NR5A2: variants seen among roughly 807,000 people sequenced by gnomAD.
NR5A2 encodes nuclear receptor subfamily 5 group A member 2, also known as CYP7A promoter-binding factor.
In NR5A2, 26 loss-of-function variants were observed where a neutral mutation model predicts 62.7. The observed-to-expected ratio is 0.41, with a 90% CI of 0.30 to 0.58. The LOEUF is 0.58. NR5A2 is among the 20% of genes least tolerant of loss of function. NR5A2 has a pLI of 0.22. For missense variants in NR5A2, 541 were observed against 669.1 expected (o/e 0.81, Z 2.11); for synonymous variants, 246 against 241.7 (o/e 1.02, Z -0.16).
intron 1 of NR5A2, among the ~76,000 whole-genome samples, chr1:200,035,940 G>A (rs1449443082): frequency 6.6e-6 from 1 of 152,162 alleles, no homozygotes; most frequent in Non-Finnish European, 1.5e-5. Flanking sequence ...CAGACTCCCA[G>A]GCCTCCCGGG....
chr1:200,083,465 C>G (rs1272372950), intron 5 of NR5A2, among the ~76,000 whole-genome samples: 3 of 152,096 alleles, frequency 2.0e-5, no homozygotes, highest in Non-Finnish European at 4.4e-5. Flanking sequence ...TTTTAAAAAC[C>G]ATTTCAAATG....
intron 5 of NR5A2, among the ~76,000 whole-genome samples, chr1:200,065,258 C>T (rs930248847): frequency 1.3e-5 from 2 of 152,120 alleles, no homozygotes; most frequent in Admixed American, 6.5e-5. Flanking sequence ...ATTCTCTAGC[C>T]TCAGCTTCCT....
chr1:200,144,233 T>TCACA (rs60365337), intron 7 of NR5A2, among the ~76,000 whole-genome samples: 3,427 of 79,978 alleles, frequency 0.043, 77 homozygotes, highest in Middle Eastern at 0.093. Flanking sequence ...TCTCTCTCTC[T>TCACA]CACACACACA....
At chr1:200,055,423 T>C (rs545481881) in intron 5 of NR5A2, among the ~76,000 whole-genome samples, 1 of 152,274 alleles carries the variant, frequency 6.6e-6, no homozygotes, top group East Asian at 1.9e-4. Context: ...CTCAAACTCC[T>C]GACCTCAGGT....
intron 7 of NR5A2, among the ~76,000 whole-genome samples, chr1:200,145,468 TTGTGTGTG>T (rs66885184): frequency 0.034 from 4,880 of 142,142 alleles, 177 homozygotes; most frequent in African/African-American, 0.094. Context: ...TTGATAGAAT[TTGTGTGTG>T]TGTGTGTGTG....
intron 7 of NR5A2, among the ~76,000 whole-genome samples, chr1:200,125,885 G>A (rs1294623599): frequency 6.6e-6 from 1 of 152,178 alleles, no homozygotes; most frequent in Non-Finnish European, 1.5e-5. Flanking sequence ...GTCCTGCTCT[G>A]TTGCCCAGGC....
chr1:200,160,236 A>G (rs1056494970), intron 7 of NR5A2, among the ~76,000 whole-genome samples: 5 of 152,224 alleles, frequency 3.3e-5, no homozygotes, highest in Admixed American at 6.5e-5. Context: ...ATGCTGAATT[A>G]TGAAGGAGTA....
intron 7 of NR5A2, among the ~76,000 whole-genome samples, chr1:200,126,171 C>T (rs146230613): frequency 6.6e-6 from 1 of 152,048 alleles, no homozygotes; most frequent in Non-Finnish European, 1.5e-5. Flanking sequence ...CCTTTAAAAT[C>T]ATAATTTGGA....
At chr1:200,129,660 A>C (rs1166292797) in intron 7 of NR5A2, among the ~76,000 whole-genome samples, 1 of 152,190 alleles carries the variant, frequency 6.6e-6, no homozygotes, top group Admixed American at 6.5e-5. Flanking sequence ...GGAGGGTGTG[A>C]ACTCGTTGCT....
intron 5 of NR5A2, among the ~76,000 whole-genome samples, chr1:200,102,957 C>T (rs1038951672): frequency 2.0e-5 from 3 of 151,960 alleles, no homozygotes; most frequent in African/African-American, 7.3e-5. Context: ...GTTGCTAGGA[C>T]CATGAACTCT....
At chr1:200,154,157 C>T (rs1475081201) in intron 7 of NR5A2, among the ~76,000 whole-genome samples, 3 of 152,208 alleles carry the variant, frequency 2.0e-5, no homozygotes, top group African/African-American at 7.2e-5. Flanking sequence ...TCCCTGTCTG[C>T]TCTTGCTTCC....
intron 5 of NR5A2, among the ~76,000 whole-genome samples, chr1:200,070,015 T>G (rs1217894934): frequency 6.6e-6 from 1 of 152,216 alleles, no homozygotes; most frequent in Non-Finnish European, 1.5e-5. Context: ...AAAGTTTTTT[T>G]TTTTTAAGTC....
In NR5A2 at chr1:200,039,387, T is replaced by C. The variant is rs1456255919; in HGVS notation, c.65-271T>C. On this transcript the variant is annotated intron_variant, in intron 1 of 7. Transcript: ENST00000367362. The surrounding 1 kb of genome is among the most constrained non-coding windows in gnomAD (Gnocchi z 5.1). Reference sequence around the variant, plus strand: ...CGGCTCCGCGCCCCGGGCAGCTGCGTCCTCGCCACCGCCGCCGCCTGCGCC... The same window carrying C: ...CGGCTCCGCGCCCCGGGCAGCTGCGCCCTCGCCACCGCCGCCGCCTGCGCC... Among the ~76,000 whole-genome samples the C allele has an allele frequency of 1.3e-5, 2 of 151,068 alleles. No individual in the cohort carries two copies. The highest frequency in any genetic ancestry group is 4.9e-5 in the African/African-American group (2 of 41,002).
At chr1:200,165,565 G>A (rs1653863261) in intron 7 of NR5A2, among the ~76,000 whole-genome samples, 1 of 152,034 alleles carries the variant, frequency 6.6e-6, no homozygotes, top group South Asian at 2.1e-4. Flanking sequence ...CCATAGTTTT[G>A]TCTTTTCCAG....
At chr1:200,105,721 G>A (rs1010682460) in intron 5 of NR5A2, among the ~76,000 whole-genome samples, 1 of 152,132 alleles carries the variant, frequency 6.6e-6, no homozygotes, top group Admixed American at 6.6e-5. Context: ...GAACACCAAG[G>A]CAGGAGGATA....
chr1:200,046,169 T>C (rs1255236224), intron 4 of NR5A2, among the ~76,000 whole-genome samples: 1 of 152,048 alleles, frequency 6.6e-6, no homozygotes, highest in Non-Finnish European at 1.5e-5. Context: ...AAATTGAGAA[T>C]CAGGAAACAT....
intron 5 of NR5A2, among the ~76,000 whole-genome samples, chr1:200,103,396 G>A (rs1473399987): frequency 2.0e-5 from 3 of 152,010 alleles, no homozygotes; most frequent in Non-Finnish European, 4.4e-5. Flanking sequence ...CTGTAATTAC[G>A]GATGTGAGCC....
intron 5 of NR5A2, among the ~76,000 whole-genome samples, chr1:200,097,122 A>G (rs1392735283): frequency 6.6e-6 from 1 of 152,248 alleles, no homozygotes; most frequent in Non-Finnish European, 1.5e-5. Flanking sequence ...TGGAAAATGT[A>G]AACGATTTCT....
chr1:200,123,715 G>A (rs1228317576), intron 7 of NR5A2, among the ~76,000 whole-genome samples: 1 of 148,070 alleles, frequency 6.8e-6, no homozygotes, highest in Non-Finnish European at 1.5e-5. Context: ...TAGAAACCCT[G>A]TTTTCAGAAG....
Sources: allele counts gnomAD v4.1 joint callset (sites outside exome capture counted in the v4.1 genomes callset), GRCh38; gene constraint gnomAD v4.1.1; non-coding constraint Gnocchi (gnomAD v3.1); transcripts MANE v1.5; gene names NCBI Gene and HGNC (gene_info 2026-07-23, HGNC 2026-07-21).